Variants in CELF2 observed in about 807,000 individuals in gnomAD.
CELF2 encodes the protein CUG triplet repeat RNA-binding protein 2.
A neutral mutation model predicts 62.6 loss-of-function variants in CELF2; 8 were observed. The observed-to-expected ratio is 0.13, with a 90% CI of 0.07 to 0.23. The LOEUF (loss-of-function observed/expected upper bound fraction) is 0.23, where lower values mean the gene tolerates loss of function less well. Among genes scored for constraint, CELF2 ranks in the 10% least tolerant of loss-of-function variants. The probability of loss-of-function intolerance (pLI) is 1.00; values close to 1 mark genes in which losing one functional copy is unlikely to be tolerated. For missense variants in CELF2, 333 were observed against 671.0 expected (o/e 0.50, Z 5.56); for synonymous variants, 258 against 250.0 (o/e 1.03, Z -0.30).
upstream of CELF2, among the ~76,000 whole-genome samples, chr10:11,017,410 C>A (rs190822796): frequency 2.0e-5 from 3 of 152,278 alleles, no homozygotes; most frequent in East Asian, 5.8e-4. The surrounding 1 kb of genome is among the most constrained non-coding windows in gnomAD (Gnocchi z 5.5). Context: ...TAGGGCACTG[C>A]GATAAGTCCC....
At chr10:10,891,148 C>G (rs1324760959) in intron 1 of CELF2, among the ~76,000 whole-genome samples, 2 of 152,082 alleles carry the variant, frequency 1.3e-5, no homozygotes, top group African/African-American at 4.8e-5. Context: ...CAGCTAAGAA[C>G]AAATGTAAGT....
rs1023754504 is a variant in CELF2, at chr10:11,243,819, G to A, written c.355-5334G>A. Among the ~76,000 whole-genome samples the A allele has an allele frequency of 6.6e-6, 1 of 152,224 alleles. No individual in the cohort carries two copies. Among genetic ancestry groups the A allele is most frequent in the African/African-American group, 2.4e-5 (1 of 41,458 alleles). The stretch of plus-strand genomic sequence containing the variant: ...TGAATTAAAACTTCCCATTCTGTGT[G>A]GCTGGAGATGCAGCCTCAGTTTAAT... On this transcript the variant is annotated intron_variant, in intron 3 of 12. Coordinates refer to ENST00000633077, the MANE Select transcript of CELF2 (RefSeq NM_001326342.2). The surrounding 1 kb of genome is among the most constrained non-coding windows in gnomAD (Gnocchi z 4.1).
At chr10:10,499,743 T>C in the CELF2 span, among the ~76,000 whole-genome samples, 1 of 152,150 alleles carries the variant, frequency 6.6e-6, no homozygotes, top group South Asian at 2.1e-4. Context: ...CCGGGCGTGG[T>C]GGCATGCGCC....
In CELF2 at chr10:11,243,344, A is replaced by T. The variant is rs2653526; in HGVS notation, c.355-5809A>T. On this transcript the variant is annotated intron_variant, in intron 3 of 12. Coordinates refer to ENST00000633077, the MANE Select transcript of CELF2 (RefSeq NM_001326342.2). The surrounding 1 kb of genome is among the most constrained non-coding windows in gnomAD (Gnocchi z 4.1). ...ACCATGTACCTTAACGTGCGGCTTT[A>T]GGCAAAATGTTATTCAAAAAAAAAA... is the stretch of plus-strand genomic sequence containing the variant. 1.3e-5 allele frequency among the ~76,000 whole-genome samples: 2 copies of T among 149,028 alleles called. No individual in the cohort carries two copies. The highest frequency in any genetic ancestry group is 3.0e-5 in the Non-Finnish European group (2 of 67,396).
chr10:11,042,097 A>G (rs1341410883), intron 1 of CELF2, among the ~76,000 whole-genome samples: 3 of 152,226 alleles, frequency 2.0e-5, no homozygotes, highest in African/African-American at 7.2e-5. Context: ...ATGAAAAGGA[A>G]AGCTGGGGGC....
At chr10:10,853,522 A>G (rs1286825361) in intron 1 of CELF2, among the ~76,000 whole-genome samples, 1 of 151,812 alleles carries the variant, frequency 6.6e-6, no homozygotes, top group African/African-American at 2.4e-5. Flanking sequence ...ACATAACTAC[A>G]CTCGTAGAAT....
At chr10:11,238,642 T>C (rs371515790) in intron 3 of CELF2, among the ~76,000 whole-genome samples, 2 of 152,230 alleles carry the variant, frequency 1.3e-5, no homozygotes, top group African/African-American at 4.8e-5. Flanking sequence ...TCTACTGAGA[T>C]GATAGCTAGT....
At chr10:10,609,214 T>A in the CELF2 span, among the ~76,000 whole-genome samples, 2 of 152,184 alleles carry the variant, frequency 1.3e-5, no homozygotes, top group Non-Finnish European at 2.9e-5. Context: ...GCCACATGTG[T>A]TTGCTGGCCA....
In CELF2 at chr10:11,217,969, A is replaced by T. The variant is rs1284373791; in HGVS notation, c.354+462A>T. ...CCTCCTAATGGTTTCTAAACAGTCA[A>T]TGGTGGTTAACAAAGTCAGTGTTTT... On this transcript the variant is annotated intron_variant, in intron 3 of 12. Coordinates refer to ENST00000633077, the MANE Select transcript of CELF2 (RefSeq NM_001326342.2). This position sits in a 1 kb window ranked among gnomAD's most constrained non-coding sequence, Gnocchi z 5.6. 1.3e-5 allele frequency among the ~76,000 whole-genome samples: 2 copies of T among 152,208 alleles called. No homozygotes were observed. Among genetic ancestry groups the T allele is most frequent in the African/African-American group, 4.8e-5 (2 of 41,452 alleles).
chr10:10,805,416 G>A (rs185185099), intron 1 of CELF2, among the ~76,000 whole-genome samples: 34 of 152,224 alleles, frequency 2.2e-4, no homozygotes, highest in Non-Finnish European at 4.4e-4. Context: ...TTTCCCTTAG[G>A]AATATTTGAA....
intron 2 of CELF2, among the ~76,000 whole-genome samples, chr10:11,202,481 C>G (rs935705798): frequency 3.9e-5 from 6 of 152,132 alleles, no homozygotes; most frequent in Non-Finnish European, 7.4e-5. Context: ...AATTTGGATC[C>G]TAGACTGCCC....
At chr10:10,769,932 T>G in the CELF2 span, among the ~76,000 whole-genome samples, 6 of 152,286 alleles carry the variant, frequency 3.9e-5, no homozygotes, top group East Asian at 1.2e-3. Context: ...ACTTAATTGC[T>G]GTACCACTGG....
At chr10:10,948,309 C>T (rs2047927570) in intron 2 of CELF2, 1 of 152,228 alleles carries the variant, frequency 6.6e-6, no homozygotes, top group African/African-American at 2.4e-5. Context: ...AGTTTACATC[C>T]AGCCCTTACA....
At chr10:11,164,934 C>A (rs1021809827) in intron 1 of CELF2, 4 of 355,538 alleles carry the variant, frequency 1.1e-5, no homozygotes, top group Non-Finnish European at 1.6e-5. Flanking sequence ...TCACCCGCAT[C>A]TTGCATTAGT....
intron 1 of CELF2, among the ~76,000 whole-genome samples, chr10:10,910,151 T>C (rs1456781714): frequency 1.3e-5 from 2 of 152,250 alleles, no homozygotes; most frequent in Non-Finnish European, 1.5e-5. Flanking sequence ...TTGGGCATTA[T>C]TGCAAAATAG....
intron 3 of CELF2, among the ~76,000 whole-genome samples, chr10:11,233,915 T>A (rs1178931353): frequency 2.0e-5 from 3 of 152,196 alleles, no homozygotes; most frequent in African/African-American, 7.2e-5. Flanking sequence ...GAGGTGGGTG[T>A]GCCAGAGTTG....
rs1487074894 is a variant in CELF2 at position 11,306,958 on chromosome 10, G to GC, written c.977-7176dup. ...CTAGGCCGCCTCCACCTCTCCTATG[G>GC]CCCCCTGAGCTAGGCTGCCCCATGC... On this transcript the variant is annotated intron_variant, in intron 9 of 12. Transcript: ENST00000633077. This position sits in a 1 kb window ranked among gnomAD's most constrained non-coding sequence, Gnocchi z 4.4. Among the ~76,000 whole-genome samples the GC allele has an allele frequency of 6.6e-6, 1 of 152,134 alleles. No homozygotes were observed. Among genetic ancestry groups the GC allele is most frequent in the Admixed American group, 6.5e-5 (1 of 15,280 alleles).
chr10:10,913,379 C>CTTTTTTTTTT lies in CELF2; in HGVS notation c.54-6566_54-6557dup, dbSNP rs34163796. ...AATATATATGCCTTTGTAATGATGT[C>CTTTTTTTTTT]TTTTTTTTTTTTTTTTTTTTTTTTT... On this transcript the variant is annotated intron_variant, in intron 1 of 13. Coordinates refer to the CELF2 transcript ENST00000636488. Among the ~76,000 whole-genome samples the CTTTTTTTTTT allele has an allele frequency of 1.6e-4, 9 of 57,360 alleles. 1 individual carries two copies. Among genetic ancestry groups the CTTTTTTTTTT allele is most frequent in the East Asian group, 6.2e-4 (1 of 1,620 alleles). 37.6% of individuals were successfully genotyped at this position (57,360 alleles called of 152,430 possible).
At chr10:11,241,812 G>A (rs1464389936) in intron 3 of CELF2, among the ~76,000 whole-genome samples, 2 of 152,136 alleles carry the variant, frequency 1.3e-5, no homozygotes, top group East Asian at 1.9e-4. Context: ...GTCTCGTGGT[G>A]GGGCATGCTG....
Sources: gnomAD v4.1 joint callset for allele counts (sites outside exome capture counted in the v4.1 genomes callset) on GRCh38, gnomAD v4.1.1 for gene constraint, Gnocchi (gnomAD v3.1) non-coding constraint, MANE v1.5 for transcripts, NCBI Gene and HGNC (gene_info 2026-07-23, HGNC 2026-07-21) for gene names.